The following NRXN1 variants were observed in gnomAD, a reference collection of about 807,000 sequenced individuals.
NRXN1 encodes neurexin 1.
NRXN1 carries 39 observed loss-of-function variants against 150.9 expected under a neutral mutation model. The ratio of observed to expected loss-of-function variants is 0.26; its 90% confidence interval spans 0.20 to 0.34. NRXN1 has a LOEUF of 0.34. NRXN1 is among the 10% of genes least tolerant of loss of function. The probability of loss-of-function intolerance (pLI) is 1.00; values close to 1 mark genes in which losing one functional copy is unlikely to be tolerated. For missense variants in NRXN1, 1,815 were observed against 1,949.9 expected (o/e 0.93, Z 1.30); for synonymous variants, 924 against 757.0 (o/e 1.22, Z -3.62).
chr2:50,602,494 G>C (rs1192604059), intron 8 of NRXN1, among the ~76,000 whole-genome samples: 1 of 151,568 alleles, frequency 6.6e-6, no homozygotes, highest in African/African-American at 2.4e-5. Context: ...TTCTTTTCCA[G>C]AATCAACAAT....
chr2:50,037,557 A>T (rs1573543397), intron 21 of NRXN1, among the ~76,000 whole-genome samples: 1 of 152,258 alleles, frequency 6.6e-6, no homozygotes, highest in East Asian at 1.9e-4. Flanking sequence ...TTCTCCTGAG[A>T]TTTCATTAAA....
At position 50,519,682 on chromosome 2, in the gene NRXN1, G is replaced by T. The variant is rs145451029; in HGVS notation, c.2374+8943C>A. ...CTATTAGTAGGTTACAGTCAAGGAC[G>T]ATAACTTATACTAACACATCTAGAA... On this transcript the variant is annotated intron_variant, in intron 12 of 22. Coordinates refer to ENST00000401669, the MANE Select transcript of NRXN1 (RefSeq NM_001330078.2). 1.5e-4 allele frequency among the ~76,000 whole-genome samples: 23 copies of T among 151,992 alleles called. No individual in the cohort carries two copies. In the East Asian group the frequency reaches 3.7e-3, roughly 24 times the overall value.
Position 50,008,192 on chromosome 2 carries a change from T to C in NRXN1, c.4128+45079A>G, listed in dbSNP as rs1045414835. ...CAATGTTTTAAATAGCATTGATACA[T>C]GGTTTTCCAAGTGACTTGGGAGTAT... On this transcript the variant is annotated intron_variant, in intron 21 of 22. Transcript: ENST00000401669. Among the ~76,000 whole-genome samples, 4 of 152,144 alleles carry C rather than the reference T, an allele frequency of 2.6e-5. No homozygotes were observed. The East Asian group carries it at 5.8e-4, about 22-fold the overall frequency.
chr2:50,490,580 G>A (rs2091194588), intron 15 of NRXN1, among the ~76,000 whole-genome samples: 1 of 152,146 alleles, frequency 6.6e-6, no homozygotes, highest in Non-Finnish European at 1.5e-5. Flanking sequence ...GGACAGAAGT[G>A]GAAACATACA....
chr2:50,915,450 C>T (rs559798936), intron 5 of NRXN1, among the ~76,000 whole-genome samples: 2 of 151,692 alleles, frequency 1.3e-5, no homozygotes, highest in South Asian at 4.2e-4. Context: ...CCTAGGGTTG[C>T]TCAAAGTGGA....
chr2:50,759,604 G>A (rs561725416), intron 5 of NRXN1, among the ~76,000 whole-genome samples: 8 of 151,810 alleles, frequency 5.3e-5, no homozygotes, highest in South Asian at 2.1e-4. Flanking sequence ...CTGTGAGAGC[G>A]CAAGACATAA....
At chr2:50,842,480 A>T (rs552934232) in intron 5 of NRXN1, among the ~76,000 whole-genome samples, 1 of 152,332 alleles carries the variant, frequency 6.6e-6, no homozygotes, top group South Asian at 2.1e-4. Context: ...TTAAGTTAGC[A>T]CCAAACAGTT....
rs1675120700 is a variant in NRXN1 at position 49,957,166 on chromosome 2, A to G, written c.4129-13375T>C. Among the ~76,000 whole-genome samples the G allele has an allele frequency of 2.6e-5, 4 of 152,122 alleles. No individual in the cohort carries two copies. The South Asian group carries it at 8.3e-4, about 31-fold the overall frequency. ...TTGGAGCTGAACAGACTGGTCTTAA[A>G]TCCCAGCTCTGCCACTTACTAGCTG... On this transcript the variant is annotated intron_variant, in intron 21 of 22. Coordinates refer to ENST00000401669, the MANE Select transcript of NRXN1 (RefSeq NM_001330078.2).
intron 1 of NRXN1, among the ~76,000 whole-genome samples, chr2:51,030,547 C>CAG (rs1170795461): frequency 1.3e-5 from 2 of 150,588 alleles, no homozygotes; most frequent in African/African-American, 5.0e-5. Context: ...CACACACACA[C>CAG]ACACACACAC....
At chr2:50,585,229 C>A (rs573432068) in intron 8 of NRXN1, among the ~76,000 whole-genome samples, 2 of 151,826 alleles carry the variant, frequency 1.3e-5, no homozygotes, top group Admixed American at 1.3e-4. Context: ...CATGTAAGAC[C>A]GGGACAAAAA....
intron 17 of NRXN1, among the ~76,000 whole-genome samples, chr2:50,362,419 G>A (rs1015172398): frequency 6.6e-6 from 1 of 152,160 alleles, no homozygotes; most frequent in African/African-American, 2.4e-5. Context: ...CAAAATCAAT[G>A]TGCAAAAATC....
chr2:50,396,636 T>C (rs76317292), intron 17 of NRXN1, among the ~76,000 whole-genome samples: 2,225 of 152,210 alleles, frequency 0.015, 54 homozygotes, highest in African/African-American at 0.048. Flanking sequence ...TAGTGATTCC[T>C]AACCTACTGT....
At chr2:50,504,576 TA>T (rs765753054) in intron 13 of NRXN1, among the ~76,000 whole-genome samples, 1 of 151,930 alleles carries the variant, frequency 6.6e-6, no homozygotes, top group Non-Finnish European at 1.5e-5. Context: ...ATACATTTCT[TA>T]AAAAAAATGT....
intron 2 of NRXN1, among the ~76,000 whole-genome samples, chr2:50,960,749 G>T (rs1693042316): frequency 6.6e-6 from 1 of 151,688 alleles, no homozygotes; most frequent in African/African-American, 2.4e-5. Context: ...GGACTGCAAG[G>T]GCTCTTCTAC....
At chr2:50,851,498 T>G (rs1674515684) in intron 5 of NRXN1, among the ~76,000 whole-genome samples, 1 of 152,130 alleles carries the variant, frequency 6.6e-6, no homozygotes. Context: ...TGAAAATTGT[T>G]GCCTCTTCCC....
intron 5 of NRXN1, among the ~76,000 whole-genome samples, chr2:50,840,536 C>T (rs1672721776): frequency 1.3e-5 from 2 of 152,082 alleles, no homozygotes; most frequent in South Asian, 2.1e-4. Flanking sequence ...AAACACGTCT[C>T]GGCTTGCCTG....
At chr2:49,955,527 G>A (rs764953990) in intron 21 of NRXN1, among the ~76,000 whole-genome samples, 65 of 152,022 alleles carry the variant, frequency 4.3e-4, no homozygotes, top group Non-Finnish European at 9.4e-4. Flanking sequence ...CTTTTATGAA[G>A]CATTCCTGTC....
intron 5 of NRXN1, among the ~76,000 whole-genome samples, chr2:50,722,883 TCA>T (rs1399000503): frequency 1.3e-5 from 2 of 152,156 alleles, no homozygotes; most frequent in Non-Finnish European, 2.9e-5. Context: ...GAATTTCCAC[TCA>T]GTGTTCTGAT....
At chr2:50,659,320 A>G (rs963202993) in intron 5 of NRXN1, among the ~76,000 whole-genome samples, 1 of 152,084 alleles carries the variant, frequency 6.6e-6, no homozygotes, top group Admixed American at 6.6e-5. Context: ...TATGTTTAAT[A>G]TATATGAAAA....
Sources: gnomAD v4.1 joint callset for allele counts (sites outside exome capture counted in the v4.1 genomes callset) on GRCh38, gnomAD v4.1.1 for gene constraint, MANE v1.5 for transcripts, NCBI Gene and HGNC (gene_info 2026-07-23, HGNC 2026-07-21) for gene names.